KCND3: variants seen among roughly 807,000 people sequenced by gnomAD.
KCND3 encodes A-type voltage-gated potassium channel KCND3.
In KCND3, 9 loss-of-function variants were observed where a neutral mutation model predicts 51.1. That is an observed-to-expected ratio of 0.18 (90% confidence interval 0.11 to 0.31). The LOEUF (loss-of-function observed/expected upper bound fraction) is 0.31. Among genes scored for constraint, KCND3 ranks in the 10% least tolerant of loss-of-function variants. The pLI is 1.00. For missense variants in KCND3, 526 were observed against 903.8 expected (o/e 0.58, Z 5.36); for synonymous variants, 349 against 368.0 (o/e 0.95, Z 0.59).
intron 2 of KCND3, among the ~76,000 whole-genome samples, chr1:111,866,421 T>C (rs1388429358): frequency 6.6e-6 from 1 of 151,904 alleles, no homozygotes; most frequent in Non-Finnish European, 1.5e-5. Context: ...TGCGCCACCA[T>C]GCCCAGTCAA....
chr1:111,950,450 C>A (rs1211089030), intron 2 of KCND3, among the ~76,000 whole-genome samples: 12 of 152,144 alleles, frequency 7.9e-5, no homozygotes, highest in Admixed American at 7.9e-4. Flanking sequence ...TCCCTGAGGA[C>A]CGGCACCTGA....
At chr1:111,922,676 T>C (rs1384829783) in intron 2 of KCND3, among the ~76,000 whole-genome samples, 1 of 152,224 alleles carries the variant, frequency 6.6e-6, no homozygotes, top group Non-Finnish European at 1.5e-5. Context: ...GAACAGTACC[T>C]GGCATATAGG....
At chr1:111,896,069 G>A (rs1035268071) in intron 2 of KCND3, among the ~76,000 whole-genome samples, 2 of 152,224 alleles carry the variant, frequency 1.3e-5, no homozygotes, top group Non-Finnish European at 2.9e-5. Context: ...TGCTCCACGC[G>A]CGTTCATTCA....
Position 111,775,827 on chromosome 1 carries a change from A to ACCCCCCCCCCCCCCCCCCCCCCCC in KCND3, c.*249_*250insGGGGGGGGGGGGGGGGGGGGGGGG. ...CCCCCGGCCTATCCCCGACCCCCCC[A>ACCCCCCCCCCCCCCCCCCCCCCCC]CCCTCCCTCCCTTCCTCTGGCCCCA... is the stretch of plus-strand genomic sequence containing the variant. On this transcript the variant is annotated 3_prime_UTR_variant, in exon 8 of 8. Transcript: ENST00000302127. The ACCCCCCCCCCCCCCCCCCCCCCCC allele has an allele frequency of 1.3e-5, 1 of 75,848 alleles. No individual in the cohort carries two copies. Among genetic ancestry groups the ACCCCCCCCCCCCCCCCCCCCCCCC allele is most frequent in the South Asian group, 9.5e-5 (1 of 10,568 alleles). 4.7% of individuals were successfully genotyped at this position (75,848 alleles called of 1,614,324 possible).
intron 2 of KCND3, among the ~76,000 whole-genome samples, chr1:111,791,852 T>C (rs1246194): frequency 0.69 from 105,203 of 152,132 alleles, 36,958 homozygotes; most frequent in East Asian, 0.83. Context: ...AAGGACCTGG[T>C]TTAAAAAGAG....
chr1:111,780,277 G>A lies in KCND3; in HGVS notation c.1409C>T (p.Ser470Leu). The A allele has an allele frequency of 6.3e-7, 1 of 1,585,790 alleles. No individual in the cohort carries two copies. The highest frequency in any genetic ancestry group is 8.6e-7 in the Non-Finnish European group (1 of 1,165,000). The change falls in exon 5 of 8, where the codon TCA becomes TTA. Residue 470 changes from serine (S) to leucine (L), a missense_variant. This residue lies in a region of KCND3 where 266 missense variants were observed against 305.5 expected (regional missense o/e 0.87). Transcript: ENST00000302127. The surrounding 1 kb of genome is among the most constrained non-coding windows in gnomAD (Gnocchi z 4.2). ...PEEEHMGKTT[S>L]LIESQHHHLL... ...GTGATGATGCTGGCTCTCGATGAGT[G>A]AGGTGGTCTTGCCCATGTGCTCCTC...
At chr1:111,980,738 A>G (rs995863806) in intron 2 of KCND3, among the ~76,000 whole-genome samples, 2 of 152,138 alleles carry the variant, frequency 1.3e-5, no homozygotes, top group African/African-American at 2.4e-5. Flanking sequence ...TAGGGTGAAG[A>G]CTGTAATCTC....
chr1:111,832,362 T>C, intron 2 of KCND3, among the ~76,000 whole-genome samples: 1 of 152,200 alleles, frequency 6.6e-6, no homozygotes, highest in East Asian at 1.9e-4. Context: ...GTTCTTCTTT[T>C]GTTCTTTTTC....
intron 2 of KCND3, among the ~76,000 whole-genome samples, chr1:111,864,677 C>T (rs995058121): frequency 6.6e-6 from 1 of 152,184 alleles, no homozygotes; most frequent in African/African-American, 2.4e-5. Flanking sequence ...GTTCCTGGGA[C>T]CACAGAAGGC....
rs756814713 is a variant in KCND3 at position 111,776,223 on chromosome 1, A to G, written c.1822T>C (p.Ser608Pro). Residue 608 changes from serine (S) to proline (P), a missense_variant, in exon 8 of 8, where the codon TCC (serine) becomes CCC (proline). Physicochemically the swap from Ser to Pro is moderately conservative, Grantham distance 74. Transcript: ENST00000302127. ...CTGATGATGGCTGTGGTGATCTGGGATGTTTTGCAGTTTGGTCTCAGTCCG... is the reference window on the plus strand; with the variant it reads ...CTGATGATGGCTGTGGTGATCTGGGGTGTTTTGCAGTTTGGTCTCAGTCCG... ...DDGLRPNCKT[S>P]QITTAIISIP... is the part of the protein sequence containing the mutation. The G allele has an allele frequency of 2.5e-6, 4 of 1,613,932 alleles. No individual in the cohort carries two copies. The highest frequency in any genetic ancestry group is 3.4e-6 in the Non-Finnish European group (4 of 1,180,016).
At chr1:111,898,547 G>A (rs1670234429) in intron 2 of KCND3, among the ~76,000 whole-genome samples, 1 of 152,194 alleles carries the variant, frequency 6.6e-6, no homozygotes, top group Non-Finnish European at 1.5e-5. Context: ...GGTCCCTGGG[G>A]TCTGGCACAA....
At chr1:111,951,728 G>A (rs755178425) in intron 2 of KCND3, among the ~76,000 whole-genome samples, 6 of 152,198 alleles carry the variant, frequency 3.9e-5, no homozygotes, top group Non-Finnish European at 7.3e-5. Flanking sequence ...ATGCCAGGAA[G>A]GAATAAGCGC....
Position 111,893,034 on chromosome 1 carries a change from C to T in KCND3, c.1106+88587G>A, listed in dbSNP as rs114044102. On this transcript the variant is annotated intron_variant, in intron 2 of 7. Coordinates refer to ENST00000302127, the MANE Select transcript of KCND3 (RefSeq NM_001378969.1). Reference sequence around the variant, plus strand: ...CTTAAGCGATGACCTGAAGAGAAGGCTCTGTGTCAACAGATGCTTATTGAG... The same window carrying T: ...CTTAAGCGATGACCTGAAGAGAAGGTTCTGTGTCAACAGATGCTTATTGAG... Among the ~76,000 whole-genome samples the T allele has an allele frequency of 2.8e-3, 433 of 152,326 alleles. 3 individuals are homozygous for T. Among genetic ancestry groups the T allele is most frequent in the African/African-American group, 1.0e-2 (414 of 41,568 alleles).
At chr1:111,782,563 A>G (rs1664432335) in intron 3 of KCND3, among the ~76,000 whole-genome samples, 1 of 152,202 alleles carries the variant, frequency 6.6e-6, no homozygotes, top group African/African-American at 2.4e-5. Context: ...CAAGTTCCTC[A>G]TCATTTGAGG....
chr1:111,829,916 C>T (rs796658939), intron 2 of KCND3, among the ~76,000 whole-genome samples: 1 of 152,198 alleles, frequency 6.6e-6, no homozygotes, highest in South Asian at 2.1e-4. Context: ...CTGGTGGCTG[C>T]ATCCTTAGTG....
At chr1:111,950,298 G>T (rs1331607161) in intron 2 of KCND3, among the ~76,000 whole-genome samples, 3 of 152,144 alleles carry the variant, frequency 2.0e-5, no homozygotes, top group African/African-American at 4.8e-5. Flanking sequence ...GAAAATACTG[G>T]TCGTGACCCA....
rs1401336718 is a variant in KCND3 at position 111,778,449 on chromosome 1, G to T, written c.1505C>A (p.Thr502Asn). The stretch of plus-strand genomic sequence containing the variant: ...AAAAAGTTATACCTTGATGGTGGAG[G>T]TTCGTACAGATAACAGGGGATCATC... ...LVDDPLLSVR[T>N]STIKNHEFID... Residue 502 changes from threonine to asparagine, a missense_variant, in exon 6 of 8, where the codon ACC becomes AAC. Thr to Asn is a moderately conservative substitution (Grantham distance 65, BLOSUM62 0). Transcript: ENST00000302127. The T allele has an allele frequency of 6.2e-7, 1 of 1,613,818 alleles. No individual in the cohort carries two copies. The highest frequency in any genetic ancestry group is 8.5e-7 in the Non-Finnish European group (1 of 1,179,736).
At chr1:111,800,586 G>A (rs12117487) in intron 2 of KCND3, among the ~76,000 whole-genome samples, 29,543 of 151,538 alleles carry the variant, frequency 0.19, 2,938 homozygotes, top group Admixed American at 0.23. Flanking sequence ...TTGGGATATG[G>A]TTATTTGTGG....
intron 2 of KCND3, among the ~76,000 whole-genome samples, chr1:111,817,609 G>A (rs1177473584): frequency 1.3e-5 from 2 of 152,150 alleles, no homozygotes; most frequent in African/African-American, 4.8e-5. Flanking sequence ...ATCAGACTAT[G>A]GTTAATTTGT....
Sources: gnomAD v4.1 joint callset for allele counts (sites outside exome capture counted in the v4.1 genomes callset) on GRCh38, gnomAD v4.1.1 for gene constraint, gnomAD v4.1.1 regional missense constraint, Gnocchi (gnomAD v3.1) non-coding constraint, MANE v1.5 for transcripts, NCBI Gene and HGNC (gene_info 2026-07-23, HGNC 2026-07-21) for gene names.